Variants in NT5M observed in about 807,000 individuals in gnomAD.
The protein encoded by NT5M is 5'(3')-deoxyribonucleotidase, mitochondrial.
A neutral mutation model predicts 22.2 loss-of-function variants in NT5M; 22 were observed. The ratio of observed to expected loss-of-function variants is 0.99; its 90% CI spans 0.71 to 1.41. NT5M has a LOEUF of 1.41. Ranked by LOEUF, NT5M falls within the 40% of genes most tolerant of loss-of-function variation. NT5M has a pLI of 0.00. For missense variants in NT5M, 322 were observed against 314.8 expected (o/e 1.02, Z -0.17); for synonymous variants, 167 against 133.0 (o/e 1.26, Z -1.76).
chr17:17,331,837 G>C (rs1445209780), intron 3 of NT5M, among the ~76,000 whole-genome samples: 1 of 150,656 alleles, frequency 6.6e-6, no homozygotes, highest in Non-Finnish European at 1.5e-5. Context: ...CTGGAGTGCA[G>C]TTGCGCGATC....
chr17:17,304,315 C>A, intron 1 of NT5M: 1 of 725,680 alleles, frequency 1.4e-6, no homozygotes, highest in Non-Finnish European at 1.7e-6. Context: ...CACAGTGAGT[C>A]AGTGGTCCAG....
intron 2 of NT5M, among the ~76,000 whole-genome samples, chr17:17,320,348 G>C (rs1272694639): frequency 1.3e-5 from 2 of 152,094 alleles, no homozygotes; most frequent in African/African-American, 4.8e-5. Context: ...AGTGGGAGAC[G>C]ACTCAGTTTG....
chr17:17,338,932 T>C (rs977839239), intron 3 of NT5M, among the ~76,000 whole-genome samples: 8 of 152,066 alleles, frequency 5.3e-5, no homozygotes, highest in African/African-American at 1.4e-4. Flanking sequence ...TTTCACTGTG[T>C]TAGCCAGGAT....
intron 2 of NT5M, among the ~76,000 whole-genome samples, chr17:17,316,714 T>C (rs2145350955): frequency 9.2e-6 from 1 of 108,138 alleles, no homozygotes; most frequent in South Asian, 2.9e-4. Context: ...TTTTGTTTTG[T>C]TTTGTTTTTG....
At chr17:17,343,240 C>T (rs1249725304) in intron 3 of NT5M, among the ~76,000 whole-genome samples, 2 of 152,070 alleles carry the variant, frequency 1.3e-5, no homozygotes, top group African/African-American at 4.8e-5. Flanking sequence ...GGGCCCTGTG[C>T]ATATGTGTGT....
At chr17:17,342,461 T>C (rs1386288684) in intron 3 of NT5M, among the ~76,000 whole-genome samples, 1 of 152,142 alleles carries the variant, frequency 6.6e-6, no homozygotes, top group Non-Finnish European at 1.5e-5. Flanking sequence ...TGATTGGAAA[T>C]GTTCATGGCA....
At chr17:17,329,054 T>G (rs148101623) in intron 3 of NT5M, among the ~76,000 whole-genome samples, 1 of 152,224 alleles carries the variant, frequency 6.6e-6, no homozygotes, top group Non-Finnish European at 1.5e-5. Flanking sequence ...CTTGGCTCAC[T>G]GCAAGCTCCC....
intron 2 of NT5M, among the ~76,000 whole-genome samples, chr17:17,311,447 G>T (rs1218066334): frequency 6.6e-6 from 1 of 151,924 alleles, no homozygotes; most frequent in Non-Finnish European, 1.5e-5. Flanking sequence ...TCATTCTTTT[G>T]CATGTAGATA....
At chr17:17,315,600 A>G (rs570464612) in intron 2 of NT5M, among the ~76,000 whole-genome samples, 8 of 150,892 alleles carry the variant, frequency 5.3e-5, no homozygotes, top group East Asian at 2.0e-4. Context: ...GCAGGTGCCA[A>G]TGCCTGAGCC....
chr17:17,304,963 G>T (rs1053002157), intron 1 of NT5M, among the ~76,000 whole-genome samples: 1 of 152,188 alleles, frequency 6.6e-6, no homozygotes, highest in African/African-American at 2.4e-5. Flanking sequence ...GACTTTCACA[G>T]AGCCCAGTGT....
chr17:17,335,087 C>G (rs2049477886), intron 3 of NT5M, among the ~76,000 whole-genome samples: 1 of 150,566 alleles, frequency 6.6e-6, no homozygotes, highest in South Asian at 2.1e-4. Flanking sequence ...AAATTTGTCT[C>G]TATTTCATGT....
At chr17:17,310,273 G>T (rs1239053425) in intron 2 of NT5M, among the ~76,000 whole-genome samples, 2 of 152,114 alleles carry the variant, frequency 1.3e-5, no homozygotes, top group African/African-American at 4.8e-5. Context: ...AAAAAGCCAG[G>T]CACAGTGGCT....
Position 17,306,541 on chromosome 17 carries a change from A to G in NT5M, c.268-2A>G, listed in dbSNP as rs773601016. 8 of 1,612,232 alleles carry G rather than the reference A, an allele frequency of 5.0e-6. No individual in the cohort carries two copies. Among genetic ancestry groups the G allele is most frequent in the Non-Finnish European group, 4.2e-6 (5 of 1,178,362 alleles). On this transcript the variant is annotated splice_acceptor_variant, in intron 1 of 4. Transcript: ENST00000389022. LOFTEE classifies it high-confidence loss of function. ...AGTAACTTGCTTTTCTCAACTTCTC[A>G]GGAGAAGGCCATCAGCATTTGGGAG... is the stretch of plus-strand genomic sequence containing the variant.
chr17:17,303,883 G>T (rs1056135123), intron 1 of NT5M, 66 bp downstream of exon 1: 6 of 1,315,070 alleles, frequency 4.6e-6, no homozygotes, highest in Non-Finnish European at 4.9e-6. Flanking sequence ...CACCGCCCCT[G>T]CGCCGGTGAC....
intron 1 of NT5M, 26 bp from the exon 2 acceptor site, chr17:17,306,517 G>C (rs2048804349): frequency 3.9e-6 from 6 of 1,556,060 alleles, no homozygotes; most frequent in Non-Finnish European, 5.3e-6. Flanking sequence ...GACCCTGGAA[G>C]TAACTTGCTT....
intron 3 of NT5M, among the ~76,000 whole-genome samples, chr17:17,330,949 C>T (rs1462807893): frequency 2.0e-5 from 3 of 149,830 alleles, no homozygotes; most frequent in Admixed American, 2.0e-4. Flanking sequence ...CATCGTGTTG[C>T]CCAGGCTAGT....
In NT5M at chr17:17,338,740, T is replaced by A. The variant is rs867669752; in HGVS notation, c.430-6054T>A. 4.2e-3 allele frequency among the ~76,000 whole-genome samples: 612 copies of A among 147,082 alleles called. 6 individuals are homozygous for A. Among genetic ancestry groups the A allele is most frequent in the African/African-American group, 0.015 (594 of 39,734 alleles). ...ATGTCATTGGTATTTTTTTTTTTTT[T>A]TTTTGAGATGGAGTCTTACTCTGTC... On this transcript the variant is annotated intron_variant, in intron 3 of 4. Coordinates refer to ENST00000389022, the MANE Select transcript of NT5M (RefSeq NM_020201.4).
chr17:17,347,305 G>T lies in NT5M; in HGVS notation c.*358G>T, dbSNP rs2049781027. 4.4e-6 allele frequency: 1 copy of T among 226,728 alleles called. No homozygotes were observed. Among genetic ancestry groups the T allele is most frequent in the Non-Finnish European group, 8.6e-6 (1 of 115,992 alleles). The allele number at this position is 226,728 out of a possible 1,614,324, so 14.0% of individuals were successfully genotyped here. A position where few individuals can be genotyped will look rare whatever the true frequency, so the allele number is the denominator to read the frequency against. ...CTAGGCAAGTTCTCTGAGGCAGAAG[G>T]GGGTTCCCTGTTCCCAGAGTCTGCA... On this transcript the variant is annotated 3_prime_UTR_variant, in exon 5 of 5. Transcript: ENST00000389022.
chr17:17,309,403 A>G (rs964309627), intron 2 of NT5M, among the ~76,000 whole-genome samples: 3 of 151,904 alleles, frequency 2.0e-5, no homozygotes, highest in Non-Finnish European at 1.5e-5. Flanking sequence ...GGGATTACAG[A>G]TGTTTTCAAT....
Sources: allele counts gnomAD v4.1 joint callset (sites outside exome capture counted in the v4.1 genomes callset), GRCh38; gene constraint gnomAD v4.1.1; transcripts MANE v1.5; gene names NCBI Gene and HGNC (gene_info 2026-07-23, HGNC 2026-07-21).